Variants in PARD3B observed in about 807,000 individuals in gnomAD.
PARD3B encodes the protein partitioning defective 3 homolog B.
A neutral mutation model predicts 130.2 loss-of-function variants in PARD3B; 103 were observed. The observed-to-expected ratio is 0.79, with a 90% confidence interval of 0.67 to 0.93. The LOEUF (loss-of-function observed/expected upper bound fraction) is 0.93. PARD3B is among the 40% of genes least tolerant of loss of function. The pLI is 0.00. For missense variants in PARD3B, 1,609 were observed against 1,499.2 expected (o/e 1.07, Z -1.21); for synonymous variants, 583 against 553.2 (o/e 1.05, Z -0.76).
At chr2:205,333,167 A>G (rs1020274844) in intron 18 of PARD3B, among the ~76,000 whole-genome samples, 7 of 152,122 alleles carry the variant, frequency 4.6e-5, no homozygotes, top group Non-Finnish European at 7.4e-5. Context: ...TGGGTAGGTG[A>G]GAGGGGAATG....
At chr2:204,643,947 C>T (rs2035183397) in intron 1 of PARD3B, among the ~76,000 whole-genome samples, 1 of 152,160 alleles carries the variant, frequency 6.6e-6, no homozygotes, top group African/African-American at 2.4e-5. Context: ...GCCCACTGTC[C>T]AGTATTTCAT....
At chr2:204,560,262 G>A (rs2031223845) in intron 1 of PARD3B, among the ~76,000 whole-genome samples, 2 of 152,186 alleles carry the variant, frequency 1.3e-5, no homozygotes, top group South Asian at 2.1e-4. Context: ...ATGATTGCCT[G>A]TAACAATCTG....
At chr2:204,790,996 T>G (rs2125475256) in intron 2 of PARD3B, among the ~76,000 whole-genome samples, 1 of 152,018 alleles carries the variant, frequency 6.6e-6, no homozygotes, top group Non-Finnish European at 1.5e-5. Context: ...TTCCAGCTAC[T>G]CGGGAGGCTG....
intron 21 of PARD3B, among the ~76,000 whole-genome samples, chr2:205,531,079 G>A (rs936815468): frequency 6.6e-6 from 1 of 152,192 alleles, no homozygotes; most frequent in African/African-American, 2.4e-5. Context: ...CATACTCTCT[G>A]CAAGAAGATA....
intron 2 of PARD3B, among the ~76,000 whole-genome samples, chr2:204,782,633 T>C (rs1434262612): frequency 6.6e-6 from 1 of 151,640 alleles, no homozygotes; most frequent in Non-Finnish European, 1.5e-5. Context: ...TTGAGTAGAG[T>C]ATGCCATCCA....
intron 18 of PARD3B, among the ~76,000 whole-genome samples, chr2:205,391,948 G>A (rs2045874537): frequency 6.6e-6 from 1 of 152,016 alleles, no homozygotes; most frequent in South Asian, 2.1e-4. Flanking sequence ...GCAATATCCA[G>A]TGTCTAACAA....
At position 204,801,822 on chromosome 2, in the gene PARD3B, G is replaced by A. The variant is rs548995444; in HGVS notation, c.222+115540G>A. Among the ~76,000 whole-genome samples, 27 of 152,272 alleles carry A rather than the reference G, an allele frequency of 1.8e-4. No homozygotes were observed. In the South Asian group the frequency reaches 4.2e-3, roughly 23 times the overall value. ...AATGCTTCCAGCCTTTTCCCATTTA[G>A]TATGATATTGGCTGTGGGTTTGTCA... On this transcript the variant is annotated intron_variant, in intron 2 of 22. Transcript: ENST00000406610.
intron 19 of PARD3B, among the ~76,000 whole-genome samples, chr2:205,408,231 T>TAAACTAAA (rs2046477060): frequency 6.6e-6 from 1 of 152,188 alleles, no homozygotes; most frequent in Non-Finnish European, 1.5e-5. Flanking sequence ...TCAATACATG[T>TAAACTAAA]GTTTTTGATA....
At chr2:205,374,435 A>C (rs2044952908) in intron 18 of PARD3B, among the ~76,000 whole-genome samples, 1 of 152,080 alleles carries the variant, frequency 6.6e-6, no homozygotes, top group African/African-American at 2.4e-5. Context: ...CGGTTTCGCC[A>C]TGTTGGCCAG....
chr2:204,903,414 T>C (rs1350401167), intron 2 of PARD3B, among the ~76,000 whole-genome samples: 2 of 152,200 alleles, frequency 1.3e-5, no homozygotes, highest in Non-Finnish European at 2.9e-5. Flanking sequence ...TGCCATTTAA[T>C]TACATGTTTA....
intron 3 of PARD3B, among the ~76,000 whole-genome samples, chr2:205,010,864 A>G (rs1575550542): frequency 6.6e-6 from 1 of 152,298 alleles, no homozygotes; most frequent in East Asian, 1.9e-4. Flanking sequence ...TTTGTCTTCA[A>G]TATTTAATAT....
intron 21 of PARD3B, among the ~76,000 whole-genome samples, chr2:205,513,715 C>A (rs925570192): frequency 6.6e-5 from 10 of 152,046 alleles, no homozygotes; most frequent in Non-Finnish European, 1.0e-4. Flanking sequence ...CAGTGGCAAC[C>A]TTTTGCCAGA....
chr2:205,440,246 T>G lies in PARD3B; in HGVS notation c.2742-124T>G. Reference sequence around the variant, plus strand: ...GTTGGCATTTCTGCATGCTGTGATCTTGAGTAAACAGGAGAATGACAGCTA... The same window carrying G: ...GTTGGCATTTCTGCATGCTGTGATCGTGAGTAAACAGGAGAATGACAGCTA... On this transcript the variant is annotated intron_variant, in intron 19 of 22. Coordinates refer to ENST00000406610, the MANE Select transcript of PARD3B (RefSeq NM_001302769.2). This position sits in a 1 kb window ranked among gnomAD's most constrained non-coding sequence, Gnocchi z 4.2. The G allele has an allele frequency of 1.1e-6, 1 of 937,166 alleles. No homozygotes were observed. Among genetic ancestry groups the G allele is most frequent in the African/African-American group, 1.7e-5 (1 of 59,918 alleles). 58.1% of individuals were successfully genotyped at this position (937,166 alleles called of 1,614,324 possible). A position where few individuals can be genotyped will look rare whatever the true frequency, so the allele number is the denominator to read the frequency against.
intron 4 of PARD3B, among the ~76,000 whole-genome samples, chr2:205,099,740 A>G (rs180985992): frequency 4.7e-4 from 72 of 152,286 alleles, no homozygotes; most frequent in African/African-American, 1.7e-3. Context: ...TGCCTGCCCC[A>G]TCTTCAGAGA....
intron 2 of PARD3B, among the ~76,000 whole-genome samples, chr2:204,929,856 A>T (rs888392939): frequency 6.6e-6 from 1 of 152,002 alleles, no homozygotes; most frequent in East Asian, 1.9e-4. Context: ...CCTGAATCCA[A>T]CTGTATTTCT....
chr2:205,037,408 A>G (rs1698060534), intron 3 of PARD3B, among the ~76,000 whole-genome samples: 1 of 147,444 alleles, frequency 6.8e-6, no homozygotes. Context: ...ATAGTGGACT[A>G]TATGTATAAA....
intron 18 of PARD3B, among the ~76,000 whole-genome samples, chr2:205,398,713 C>T (rs1404138006): frequency 6.6e-6 from 1 of 152,206 alleles, no homozygotes; most frequent in Non-Finnish European, 1.5e-5. Context: ...ATACTCAGAG[C>T]TCCGACTTGA....
At chr2:205,099,455 A>C (rs1347240415) in intron 4 of PARD3B, among the ~76,000 whole-genome samples, 1 of 152,216 alleles carries the variant, frequency 6.6e-6, no homozygotes, top group African/African-American at 2.4e-5. Flanking sequence ...AAAGTCATTT[A>C]AATAAGCAAT....
intron 1 of PARD3B, among the ~76,000 whole-genome samples, chr2:204,571,483 G>C (rs966433230): frequency 6.6e-6 from 1 of 152,076 alleles, no homozygotes; most frequent in Non-Finnish European, 1.5e-5. Flanking sequence ...GTAATTAACT[G>C]TGTGTATGTC....
Sources: gnomAD v4.1 joint callset for allele counts (sites outside exome capture counted in the v4.1 genomes callset) on GRCh38, gnomAD v4.1.1 for gene constraint, Gnocchi (gnomAD v3.1) non-coding constraint, MANE v1.5 for transcripts, NCBI Gene and HGNC (gene_info 2026-07-23, HGNC 2026-07-21) for gene names.